COL6A3: variants seen among roughly 807,000 people sequenced by gnomAD.
COL6A3 encodes the protein collagen alpha-3(VI) chain.
In COL6A3, 137 loss-of-function variants were observed where a neutral mutation model predicts 274.1. The ratio of observed to expected loss-of-function variants is 0.50; its 90% confidence interval spans 0.44 to 0.58. COL6A3 has a LOEUF of 0.58. COL6A3 is among the 20% of genes least tolerant of loss of function. The pLI is 0.00. For synonymous variants in COL6A3, 1,650 were observed against 1,650.6 expected (o/e 1.00, Z 0.01); for missense variants, 3,950 against 4,124.9 (o/e 0.96, Z 1.16).
intron 38 of COL6A3, 49 bp from the exon 39 acceptor site, chr2:237,339,166 GAAAATT>G (rs762869867): frequency 1.5e-6 from 2 of 1,319,990 alleles, no homozygotes; most frequent in African/African-American, 2.9e-5. Context: ...CTAATAACAT[GAAAATT>G]AAAATTAATC....
At chr2:237,350,666 T>C (rs934765455) in intron 27 of COL6A3, among the ~76,000 whole-genome samples, 5 of 152,232 alleles carry the variant, frequency 3.3e-5, no homozygotes, top group Non-Finnish European at 7.3e-5. Context: ...GCAGACTTGC[T>C]GTTATCCAGG....
At chr2:237,384,763 C>G (rs2078102314) in intron 4 of COL6A3, among the ~76,000 whole-genome samples, 1 of 152,116 alleles carries the variant, frequency 6.6e-6, no homozygotes, top group Admixed American at 6.5e-5. Context: ...AGGAGAGCCC[C>G]TGCCCCCACC....
Position 237,357,337 on chromosome 2 carries a change from C to T in COL6A3, c.6591+1G>A. On this transcript the variant is annotated splice_donor_variant, in intron 23 of 43. Transcript: ENST00000295550. LOFTEE classifies it high-confidence loss of function. ...CCCCCCAAAGCCCTAATGGCACTCACATTCTTCCCAGTTTCTCCAGGTCCT... is the reference window on the plus strand; with the variant it reads ...CCCCCCAAAGCCCTAATGGCACTCATATTCTTCCCAGTTTCTCCAGGTCCT... 1 of 1,613,966 alleles carries T rather than the reference C, an allele frequency of 6.2e-7. No homozygotes were observed. The highest frequency in any genetic ancestry group is 8.5e-7 in the Non-Finnish European group (1 of 1,179,786).
chr2:237,389,854 T>C (rs1003902291), intron 3 of COL6A3, among the ~76,000 whole-genome samples: 3 of 152,240 alleles, frequency 2.0e-5, no homozygotes, highest in South Asian at 2.1e-4. Flanking sequence ...TTTTTAGTAA[T>C]TGCCACACAA....
At chr2:237,392,772 G>T (rs1027452390) in intron 3 of COL6A3, among the ~76,000 whole-genome samples, 1 of 152,182 alleles carries the variant, frequency 6.6e-6, no homozygotes, top group Non-Finnish European at 1.5e-5. Flanking sequence ...AGACTCTGTG[G>T]TCATCTCCAG....
At chr2:237,337,830 G>T (rs1000071529) in intron 39 of COL6A3, among the ~76,000 whole-genome samples, 1 of 152,130 alleles carries the variant, frequency 6.6e-6, no homozygotes, top group Non-Finnish European at 1.5e-5. Flanking sequence ...ACGGCACATG[G>T]GCCAGGCAGC....
intron 42 of COL6A3, 175 bp from the exon 43 acceptor site, chr2:237,325,899 C>T: frequency 1.7e-6 from 1 of 584,120 alleles, no homozygotes. Flanking sequence ...GCCATATGGA[C>T]ATAGGAATTG....
intron 42 of COL6A3, among the ~76,000 whole-genome samples, chr2:237,331,724 TA>T (rs11310117): frequency 0.5 from 73,237 of 147,490 alleles, 18,566 homozygotes; most frequent in African/African-American, 0.63. Flanking sequence ...GTTCTTTTTT[TA>T]AAAAAAAAAA....
At chr2:237,325,409 T>A (rs1330452643) in intron 43 of COL6A3, 151 bp downstream of exon 43, 2 of 864,794 alleles carry the variant, frequency 2.3e-6, no homozygotes. Context: ...ATTTCATGGG[T>A]TGTATTTGAA....
chr2:237,408,036 C>T (rs1475668052), intron 1 of COL6A3, among the ~76,000 whole-genome samples: 1 of 152,174 alleles, frequency 6.6e-6, no homozygotes, highest in East Asian at 1.9e-4. Context: ...TGGTGTTCCA[C>T]TGTAAATGAT....
rs547571621 is a variant in COL6A3 at position 237,350,118 on chromosome 2, G to A, written c.6879+29C>T. ...ACCTTCCAGCAAAGAGTCAGCGACA[G>A]CCTGACCCCAAGCGCGCTGTGACCT... On this transcript the variant is annotated intron_variant, in intron 28 of 43. Coordinates refer to ENST00000295550, the MANE Select transcript of COL6A3 (RefSeq NM_004369.4). 2.6e-4 allele frequency: 416 copies of A among 1,611,566 alleles called. 4 individuals carry two copies. In the South Asian group the frequency reaches 4.4e-3, roughly 17 times the overall value.
intron 26 of COL6A3, among the ~76,000 whole-genome samples, chr2:237,352,270 C>T (rs745931105): frequency 1.3e-5 from 2 of 152,150 alleles, no homozygotes; most frequent in Non-Finnish European, 2.9e-5. Context: ...GATTTCCACC[C>T]AGGGACACTT....
At position 237,364,346 on chromosome 2, in the gene COL6A3, C is replaced by G. The variant is rs769270768; in HGVS notation, c.5917+4G>C. On this transcript the variant is annotated splice_donor_region_variant and intron_variant, in intron 13 of 43. Transcript: ENST00000295550. The surrounding 1 kb of genome is among the most constrained non-coding windows in gnomAD (Gnocchi z 4.6). Reference sequence around the variant, plus strand: ...TCTCATATTTAGAAAGCCTTGGCACCTACCTTCTTGGCGGAGGTTCTCAGA... The same window carrying G: ...TCTCATATTTAGAAAGCCTTGGCACGTACCTTCTTGGCGGAGGTTCTCAGA... 1 of 1,612,442 alleles carries G rather than the reference C, an allele frequency of 6.2e-7. No homozygotes were observed. The highest frequency in any genetic ancestry group is 2.2e-5 in the East Asian group (1 of 44,878).
chr2:237,378,518 G>A, intron 6 of COL6A3, 118 bp downstream of exon 6: 1 of 1,463,156 alleles, frequency 6.8e-7, no homozygotes, highest in Non-Finnish European at 9.5e-7. Flanking sequence ...TATTTCAATG[G>A]AAGGGAGCCA....
Position 237,344,126 on chromosome 2 carries a change from A to G in COL6A3, c.7668+224T>C. 1 of 655,942 alleles carries G rather than the reference A, an allele frequency of 1.5e-6. No individual in the cohort carries two copies. Among genetic ancestry groups the G allele is most frequent in the Admixed American group, 2.3e-5 (1 of 42,828 alleles). The allele number at this position is 655,942 out of a possible 1,614,324, so 40.6% of individuals were successfully genotyped here. ...CGGCAAGAGCTGTCAACATGTGAGG[A>G]GGGACCTGGGGGCAGTGCTACAAGC... On this transcript the variant is annotated intron_variant, in intron 36 of 43. Transcript: ENST00000295550. This position sits in a 1 kb window ranked among gnomAD's most constrained non-coding sequence, Gnocchi z 4.8.
In COL6A3 at chr2:237,369,046, C is replaced by T. The variant is rs1472040064; in HGVS notation, c.4417G>A (p.Val1473Met). Residue 1473 changes from valine to methionine, a missense_variant, in exon 10 of 44, where the codon GTG (valine) becomes ATG (methionine). Transcript: ENST00000295550. ...VRRLNIGPSK[V>M]RVGVVQFSND... ...CTGAACTGCACGACCCCAACTCTCA[C>T]TTTACTGGGGCCGATGTTGAGTCTT... The T allele has an allele frequency of 4.3e-6, 7 of 1,614,118 alleles. No homozygotes were observed. The highest frequency in any genetic ancestry group is 5.9e-6 in the Non-Finnish European group (7 of 1,180,054).
intron 1 of COL6A3, among the ~76,000 whole-genome samples, chr2:237,404,288 T>C (rs1267837096): frequency 1.3e-5 from 2 of 152,170 alleles, no homozygotes; most frequent in South Asian, 4.1e-4. Context: ...AGGGTTTTTC[T>C]GGAGATAAGG....
intron 1 of COL6A3, among the ~76,000 whole-genome samples, chr2:237,404,760 C>G (rs970436852): frequency 6.6e-6 from 1 of 152,218 alleles, no homozygotes; most frequent in African/African-American, 2.4e-5. Flanking sequence ...AGTGGGCTCA[C>G]TCTGGAGCAA....
intron 1 of COL6A3, among the ~76,000 whole-genome samples, chr2:237,400,774 A>G (rs1171066875): frequency 6.6e-6 from 1 of 152,216 alleles, no homozygotes; most frequent in Admixed American, 6.5e-5. Context: ...TATAAGGCCA[A>G]TATTGAAAAG....
Sources: gnomAD v4.1 joint callset for allele counts (sites outside exome capture counted in the v4.1 genomes callset) on GRCh38, gnomAD v4.1.1 for gene constraint, Gnocchi (gnomAD v3.1) non-coding constraint, MANE v1.5 for transcripts, NCBI Gene and HGNC (gene_info 2026-07-23, HGNC 2026-07-21) for gene names.